DENND2A: variants seen among roughly 807,000 people sequenced by gnomAD.
The protein encoded by DENND2A is DENN domain-containing protein 2A.
DENND2A carries 53 observed loss-of-function variants against 105.3 expected under a neutral mutation model. The ratio of observed to expected loss-of-function variants is 0.50; its 90% CI spans 0.40 to 0.63. The LOEUF (loss-of-function observed/expected upper bound fraction) is 0.63, where lower values mean the gene tolerates loss of function less well. DENND2A is among the 30% of genes least tolerant of loss of function. The probability of loss-of-function intolerance (pLI) is 0.00; values close to 1 mark genes in which losing one functional copy is unlikely to be tolerated. For synonymous variants in DENND2A, 522 were observed against 508.4 expected (o/e 1.03, Z -0.36); for missense variants, 1,138 against 1,279.6 (o/e 0.89, Z 1.69).
rs1799554622 is a variant in DENND2A, at chr7:140,602,545, G to A, written c.-145-3C>T. The A allele has an allele frequency of 1.4e-6, 1 of 721,886 alleles. No homozygotes were observed. Among genetic ancestry groups the A allele is most frequent in the Non-Finnish European group, 2.0e-6 (1 of 490,086 alleles). 44.7% of individuals were successfully genotyped at this position (721,886 alleles called of 1,614,324 possible). A position where few individuals can be genotyped will look rare whatever the true frequency, so the allele number is the denominator to read the frequency against. ...TCCTTGGACCTTCCACCTTGACCCT[G>A]CACAAGAAAGACAAACACCAGGTGA... On this transcript the variant is annotated splice_region_variant and splice_polypyrimidine_tract_variant and intron_variant, in intron 2 of 19. Coordinates refer to ENST00000496613, the MANE Select transcript of DENND2A (RefSeq NM_015689.5).
intron 1 of DENND2A, among the ~76,000 whole-genome samples, chr7:140,632,153 A>G (rs1800755631): frequency 6.6e-6 from 1 of 152,172 alleles, no homozygotes; most frequent in African/African-American, 2.4e-5. Context: ...GAAATGCCAA[A>G]TAAAATTATA....
At chr7:140,598,760 T>G (rs770009868) in intron 3 of DENND2A, among the ~76,000 whole-genome samples, 2 of 152,148 alleles carry the variant, frequency 1.3e-5, no homozygotes, top group Non-Finnish European at 2.9e-5. Context: ...AATAATTATA[T>G]ATTAATTACA....
At chr7:140,583,947 A>T (rs1798662727) in intron 5 of DENND2A, among the ~76,000 whole-genome samples, 1 of 142,582 alleles carries the variant, frequency 7.0e-6, no homozygotes, top group African/African-American at 2.8e-5. Flanking sequence ...AAAAAGTCAA[A>T]TTTCAGCATT....
rs138999698 is a variant in DENND2A at position 140,622,311 on chromosome 7, G to A, written c.-247-16505C>T. ...CTCGGGAGGCTGAGGCAAGAGAATC[G>A]CTTGAACCTGGGAGGCGGAGGTTGC... is the stretch of plus-strand genomic sequence containing the variant. On this transcript the variant is annotated intron_variant, in intron 1 of 19. Coordinates refer to ENST00000496613, the MANE Select transcript of DENND2A (RefSeq NM_015689.5). 9.9e-3 allele frequency among the ~76,000 whole-genome samples: 1,507 copies of A among 151,984 alleles called. 21 individuals carry two copies. Among genetic ancestry groups the A allele is most frequent in the African/African-American group, 0.034 (1,420 of 41,430 alleles).
intron 3 of DENND2A, among the ~76,000 whole-genome samples, chr7:140,598,114 T>C (rs1799352459): frequency 6.6e-6 from 1 of 152,168 alleles, no homozygotes; most frequent in Admixed American, 6.5e-5. Context: ...CAGTAGTACA[T>C]TAAAAGAATA....
intron 11 of DENND2A, 116 bp from the exon 12 acceptor site, chr7:140,555,829 T>C (rs1162517823): frequency 5.5e-6 from 4 of 731,256 alleles, no homozygotes; most frequent in Non-Finnish European, 6.6e-6. Context: ...ATCATAGCTC[T>C]GGAAAACCCA....
intron 1 of DENND2A, among the ~76,000 whole-genome samples, chr7:140,624,028 G>T (rs534343703): frequency 7.4e-4 from 113 of 152,352 alleles, no homozygotes; most frequent in Middle Eastern, 3.4e-3. Context: ...GGCCATATGT[G>T]AGTGAAAAAC....
In DENND2A at chr7:140,596,349, C is replaced by T. The variant is rs144537424; in HGVS notation, c.995+5054G>A. Among the ~76,000 whole-genome samples the T allele has an allele frequency of 2.2e-3, 332 of 152,328 alleles. 3 individuals are homozygous for T. The highest frequency in any genetic ancestry group is 7.2e-3 in the African/African-American group (301 of 41,572). ...TAAACATCAACTTAATCAAACAATG[C>T]GCTCCTTTGAAGACTTGAAACATTC... On this transcript the variant is annotated intron_variant, in intron 3 of 19. Coordinates refer to ENST00000496613, the MANE Select transcript of DENND2A (RefSeq NM_015689.5).
At chr7:140,570,457 C>T (rs999645515) in intron 6 of DENND2A, among the ~76,000 whole-genome samples, 5 of 152,216 alleles carry the variant, frequency 3.3e-5, no homozygotes, top group African/African-American at 1.2e-4. Flanking sequence ...GGCAGGGCTC[C>T]CTTCATGGGA....
chr7:140,612,669 T>A (rs903721514), intron 1 of DENND2A, among the ~76,000 whole-genome samples: 1 of 152,018 alleles, frequency 6.6e-6, no homozygotes, highest in African/African-American at 2.4e-5. Context: ...ACCTGGCTAA[T>A]TTTTGTATTT....
rs200519436 is a variant in DENND2A at position 140,602,109 on chromosome 7, T to C, written c.289A>G (p.Asn97Asp). The C allele has an allele frequency of 8.1e-5, 131 of 1,614,058 alleles. 1 individual carries two copies. Among genetic ancestry groups the C allele is most frequent in the Non-Finnish European group, 9.9e-5 (117 of 1,180,036 alleles). ...GVRTQVTEAKNGMRPGTESTE... is the reference protein window; with the variant it reads ...GVRTQVTEAKDGMRPGTESTE... ...CTCTCTGTTCCTGGCCTCATTCCAT[T>C]CTTAGCCTCTGTGACCTGAGTTCTC... The change falls in exon 3 of 20, where the codon AAT becomes GAT. Residue 97 changes from asparagine to aspartate, a missense_variant. Asn to Asp is a conservative substitution (Grantham distance 23, BLOSUM62 1). This residue lies in a region of DENND2A where 511 missense variants were observed against 499.9 expected (regional missense o/e 1.02). Coordinates refer to ENST00000496613, the MANE Select transcript of DENND2A (RefSeq NM_015689.5).
At chr7:140,605,157 C>G (rs1253232189) in intron 2 of DENND2A, among the ~76,000 whole-genome samples, 1 of 152,164 alleles carries the variant, frequency 6.6e-6, no homozygotes, top group African/African-American at 2.4e-5. Context: ...AGTTCCTGCT[C>G]CATGTGGTTG....
chr7:140,604,947 A>G (rs973307034), intron 2 of DENND2A, among the ~76,000 whole-genome samples: 1 of 152,216 alleles, frequency 6.6e-6, no homozygotes, highest in African/African-American at 2.4e-5. Context: ...GGTATCAACA[A>G]ATGGTAACTA....
intron 1 of DENND2A, among the ~76,000 whole-genome samples, chr7:140,636,408 C>T (rs757550575): frequency 2.4e-4 from 37 of 152,138 alleles, no homozygotes; most frequent in Non-Finnish European, 4.3e-4. Flanking sequence ...GGAGAAGCAG[C>T]GATACAGGAG....
In DENND2A at chr7:140,601,464, G is replaced by A. The variant is rs1384434142; in HGVS notation, c.934C>T (p.Pro312Ser). The change falls in exon 3 of 20, where the codon CCA (proline) becomes TCA (serine). Residue 312 changes from proline to serine, a missense_variant. Pro to Ser is a moderately conservative substitution (Grantham distance 74). Coordinates refer to ENST00000496613, the MANE Select transcript of DENND2A (RefSeq NM_015689.5). ...AGTCTTCTGTTCACAGAGGAAGGTG[G>A]GGGAGAGGAGGGCAGAGGCGGGGGA... The part of the protein sequence containing the change: ...LPPPPLPSSP[P>S]PSSVNRRLWT... 3 of 1,613,886 alleles carry A rather than the reference G, an allele frequency of 1.9e-6. No homozygotes were observed. The highest frequency in any genetic ancestry group is 2.2e-5 in the South Asian group (2 of 91,012).
chr7:140,621,007 T>C (rs1337414739), intron 1 of DENND2A, among the ~76,000 whole-genome samples: 4 of 152,160 alleles, frequency 2.6e-5, no homozygotes, highest in Admixed American at 6.5e-5. Flanking sequence ...ATATAACCTA[T>C]GTACATCCTC....
At chr7:140,577,878 T>C (rs542668070) in intron 5 of DENND2A, among the ~76,000 whole-genome samples, 2 of 152,280 alleles carry the variant, frequency 1.3e-5, no homozygotes, top group African/African-American at 4.8e-5. Context: ...AGCAGTTGCT[T>C]GTCACACCCA....
chr7:140,554,224 C>CAA (rs879656542), intron 12 of DENND2A, among the ~76,000 whole-genome samples: 2 of 136,042 alleles, frequency 1.5e-5, no homozygotes, highest in African/African-American at 5.4e-5. Flanking sequence ...GACTCCGTCT[C>CAA]AAAAAAAAAA....
rs1329343688 is a variant in DENND2A at position 140,548,394 on chromosome 7, C to T, written c.2038-1455G>A. On this transcript the variant is annotated intron_variant, in intron 12 of 19. Transcript: ENST00000496613. ...TTATGAAGCTGGGTGAGATGGCACA[C>T]ACCTGTAATCCCAGCTACTTGGAAG... Among the ~76,000 whole-genome samples, 8 of 151,488 alleles carry T rather than the reference C, an allele frequency of 5.3e-5. No individual in the cohort carries two copies. In the East Asian group the frequency reaches 1.6e-3, roughly 30 times the overall value.
Sources: gnomAD v4.1 joint callset for allele counts (sites outside exome capture counted in the v4.1 genomes callset) on GRCh38, gnomAD v4.1.1 for gene constraint, gnomAD v4.1.1 regional missense constraint, MANE v1.5 for transcripts, NCBI Gene and HGNC (gene_info 2026-07-23, HGNC 2026-07-21) for gene names.